Variants in RALGAPB observed in about 807,000 individuals in gnomAD.
RALGAPB encodes ral GTPase-activating protein subunit beta.
RALGAPB carries 25 observed loss-of-function variants against 161.1 expected under a neutral mutation model. That is an observed-to-expected ratio of 0.16 (90% confidence interval 0.11 to 0.22). The LOEUF is 0.22. Among genes scored for constraint, RALGAPB ranks in the 10% least tolerant of loss-of-function variants. The probability of loss-of-function intolerance (pLI) is 1.00; values close to 1 mark genes in which losing one functional copy is unlikely to be tolerated. For synonymous variants in RALGAPB, 629 were observed against 626.1 expected (o/e 1.00, Z -0.07); for missense variants, 1,391 against 1,815.2 (o/e 0.77, Z 4.25).
At position 38,576,183 on chromosome 20, in the gene RALGAPB, T is replaced by C. The variant is rs2088429331; in HGVS notation, c.*1216T>C. 1 of 152,690 alleles carries C rather than the reference T, an allele frequency of 6.5e-6. No individual in the cohort carries two copies. The highest frequency in any genetic ancestry group is 2.1e-4 in the South Asian group (1 of 4,832). The allele number at this position is 152,690 out of a possible 1,614,324, so 9.5% of individuals were successfully genotyped here. A position where few individuals can be genotyped will look rare whatever the true frequency, so the allele number is the denominator to read the frequency against. ...CATCCAAGGATTCCTGTTACAGTGC[T>C]ACAGTATACACTGCTCATTTATCCT... On this transcript the variant is annotated 3_prime_UTR_variant, in exon 30 of 30. Transcript: ENST00000262879.
chr20:38,541,207 G>A lies in RALGAPB; in HGVS notation c.2714+15G>A, dbSNP rs200385324. On this transcript the variant is annotated intron_variant, in intron 18 of 29. Coordinates refer to ENST00000262879, the MANE Select transcript of RALGAPB (RefSeq NM_020336.4). ...ACCCTAACATGGTATGGAAGTGACC[G>A]CACAGGGATTGTGCCTAGGAATTAG... 11 of 1,611,612 alleles carry A rather than the reference G, an allele frequency of 6.8e-6. No individual in the cohort carries two copies. Among genetic ancestry groups the A allele is most frequent in the Admixed American group, 3.3e-5 (2 of 59,820 alleles).
intron 16 of RALGAPB, among the ~76,000 whole-genome samples, chr20:38,536,492 G>A (rs2086810233): frequency 6.6e-6 from 1 of 152,186 alleles, no homozygotes; most frequent in Non-Finnish European, 1.5e-5. Flanking sequence ...TACACTAGGA[G>A]CAGAATTACT....
At chr20:38,555,156 T>A (rs910147266) in intron 22 of RALGAPB, among the ~76,000 whole-genome samples, 1 of 152,208 alleles carries the variant, frequency 6.6e-6, no homozygotes, top group Non-Finnish European at 1.5e-5. Flanking sequence ...GGCTTAAATA[T>A]GTGAAATAAC....
chr20:38,569,100 G>T (rs2088125847), intron 26 of RALGAPB: 1 of 152,144 alleles, frequency 6.6e-6, no homozygotes, highest in African/African-American at 2.4e-5. Context: ...TATCCGGGGG[G>T]ACTTGCCATG....
intron 23 of RALGAPB, among the ~76,000 whole-genome samples, chr20:38,559,736 A>G (rs1278917809): frequency 1.3e-5 from 2 of 152,210 alleles, no homozygotes; most frequent in South Asian, 2.1e-4. Context: ...ACATACCTGG[A>G]TACGTGGAAC....
chr20:38,497,524 TA>T lies in RALGAPB; in HGVS notation c.553+9del, dbSNP rs752566012. ...CCCCACCAACTGTTCAAGGTTTGTT[TA>T]TTTTTTTTTTTCTAATTTATTTCTG... On this transcript the variant is annotated intron_variant, in intron 4 of 29. Transcript: ENST00000262879. The T allele has an allele frequency of 2.5e-6, 4 of 1,593,010 alleles. No individual in the cohort carries two copies. The highest frequency in any genetic ancestry group is 2.2e-5 in the East Asian group (1 of 44,786).
chr20:38,530,510 G>A (rs576742004), intron 13 of RALGAPB, among the ~76,000 whole-genome samples: 73 of 151,220 alleles, frequency 4.8e-4, no homozygotes, highest in African/African-American at 1.7e-3. Context: ...CTGCTGACTC[G>A]GCCTCCCAAA....
At chr20:38,475,297 C>T (rs534805323) in intron 1 of RALGAPB, among the ~76,000 whole-genome samples, 3 of 152,096 alleles carry the variant, frequency 2.0e-5, no homozygotes, top group Admixed American at 1.3e-4. Flanking sequence ...GGAGAGAGGA[C>T]GTTAAGTACT....
intron 5 of RALGAPB, among the ~76,000 whole-genome samples, chr20:38,507,758 C>T (rs1445909243): frequency 4.0e-5 from 6 of 151,716 alleles, no homozygotes; most frequent in African/African-American, 1.2e-4. Context: ...AGTGCAGTGG[C>T]GCAGTCATGG....
intron 1 of RALGAPB, among the ~76,000 whole-genome samples, chr20:38,487,168 A>G (rs1407939301): frequency 1.3e-5 from 2 of 152,240 alleles, no homozygotes; most frequent in African/African-American, 2.4e-5. Context: ...TGGGAGCAGC[A>G]TGACCAGTGA....
At chr20:38,493,252 A>G (rs1447484726) in intron 3 of RALGAPB, 120 bp downstream of exon 3, 5 of 774,716 alleles carry the variant, frequency 6.5e-6, no homozygotes, top group Non-Finnish European at 1.0e-5. Context: ...TCATGTGTTC[A>G]GTTAAAGATT....
chr20:38,543,850 A>C (rs954389174), intron 18 of RALGAPB, among the ~76,000 whole-genome samples: 1 of 152,124 alleles, frequency 6.6e-6, no homozygotes, highest in Admixed American at 6.5e-5. Context: ...TTCCGTGCTC[A>C]TTCTGTCTGA....
intron 28 of RALGAPB, among the ~76,000 whole-genome samples, chr20:38,571,918 A>G (rs2088254207): frequency 6.6e-6 from 1 of 152,044 alleles, no homozygotes; most frequent in African/African-American, 2.4e-5. Context: ...ATGAGGTGCT[A>G]TCTCATTATG....
Position 38,575,361 on chromosome 20 carries a change from G to T in RALGAPB, c.*394G>T, listed in dbSNP as rs1023766962. 2 of 171,694 alleles carry T rather than the reference G, an allele frequency of 1.2e-5. No homozygotes were observed. The highest frequency in any genetic ancestry group is 2.4e-5 in the African/African-American group (1 of 41,594). The allele number at this position is 171,694 out of a possible 1,614,324, so 10.6% of individuals were successfully genotyped here. On this transcript the variant is annotated 3_prime_UTR_variant, in exon 30 of 30. Transcript: ENST00000262879. ...TTTTTACCTCACTTTTTAGGAGGTT[G>T]TATTCAAAATTAAAATCTCAGAATC...
Position 38,521,606 on chromosome 20 carries a change from T to C in RALGAPB, c.1527T>C (p.Tyr509=). The part of the protein sequence containing the change: ...MFDASEFPDN[Y]EAGRAEACGT... ...ATGCAAGTGAATTTCCTGATAACTATGAAGCAGGAAGAGCTGAGGCTTGTG... is the reference window on the plus strand; with the variant it reads ...ATGCAAGTGAATTTCCTGATAACTACGAAGCAGGAAGAGCTGAGGCTTGTG... Residue 509 remains tyrosine (Y), a synonymous_variant, in exon 10 of 30, where the codon TAT becomes TAC. Coordinates refer to ENST00000262879, the MANE Select transcript of RALGAPB (RefSeq NM_020336.4). 3.7e-6 allele frequency: 6 copies of C among 1,614,238 alleles called. No individual in the cohort carries two copies. The highest frequency in any genetic ancestry group is 5.1e-6 in the Non-Finnish European group (6 of 1,180,040).
intron 1 of RALGAPB, among the ~76,000 whole-genome samples, chr20:38,487,125 A>G (rs2085138369): frequency 6.6e-6 from 1 of 152,234 alleles, no homozygotes; most frequent in Non-Finnish European, 1.5e-5. Context: ...ACTTCATAAG[A>G]TGGATCAAGG....
At chr20:38,515,758 A>G (rs550382274) in intron 6 of RALGAPB, among the ~76,000 whole-genome samples, 23 of 150,598 alleles carry the variant, frequency 1.5e-4, no homozygotes, top group African/African-American at 5.6e-4. Context: ...CTGAGATGGC[A>G]TGTTGCTCTG....
chr20:38,553,730 T>C, intron 21 of RALGAPB, 137 bp from the exon 22 acceptor site: 2 of 651,114 alleles, frequency 3.1e-6, no homozygotes, highest in Non-Finnish European at 4.8e-6. Flanking sequence ...GAGGATCACT[T>C]GAGCCCAGGA....
At position 38,575,389 on chromosome 20, in the gene RALGAPB, A is replaced by G. The variant is rs7275066; in HGVS notation, c.*422A>G. The G allele has an allele frequency of 2.5e-3, 423 of 171,628 alleles. 1 individual carries two copies. Among genetic ancestry groups the G allele is most frequent in the African/African-American group, 9.2e-3 (385 of 41,698 alleles). The allele number at this position is 171,628 out of a possible 1,614,324, so 10.6% of individuals were successfully genotyped here. A position where few individuals can be genotyped will look rare whatever the true frequency, so the allele number is the denominator to read the frequency against. ...TTCAAAATTAAAATCTCAGAATCTT[A>G]CAGGACATTTAAAGACTCATGTTGA... On this transcript the variant is annotated 3_prime_UTR_variant, in exon 30 of 30. Transcript: ENST00000262879.
Sources: gnomAD v4.1 joint callset for allele counts (sites outside exome capture counted in the v4.1 genomes callset) on GRCh38, gnomAD v4.1.1 for gene constraint, MANE v1.5 for transcripts, NCBI Gene and HGNC (gene_info 2026-07-23, HGNC 2026-07-21) for gene names.